UBAC2: variants seen among roughly 807,000 people sequenced by gnomAD.
UBAC2 encodes UBA domain containing 2, also known as ubiquitin-associated domain-containing protein 2.
UBAC2 carries 26 observed loss-of-function variants against 44.0 expected under a neutral mutation model. The ratio of observed to expected loss-of-function variants is 0.59; its 90% CI spans 0.43 to 0.82. The LOEUF (loss-of-function observed/expected upper bound fraction) is 0.82. UBAC2 is among the 40% of genes least tolerant of loss of function. The pLI, the probability that UBAC2 is intolerant of heterozygous loss-of-function variation, is 0.00. For missense variants in UBAC2, 329 were observed against 419.4 expected (o/e 0.78, Z 1.88); for synonymous variants, 155 against 154.3 (o/e 1.00, Z -0.04).
chr13:99,294,247 C>A (rs945602610), intron 4 of UBAC2, among the ~76,000 whole-genome samples: 1 of 151,984 alleles, frequency 6.6e-6, no homozygotes, highest in South Asian at 2.1e-4. Context: ...GAAATGATCC[C>A]CTAGTGATCC....
In UBAC2 at chr13:99,385,887, A is replaced by G. The variant is rs1172503307; in HGVS notation, c.*552A>G. The G allele has an allele frequency of 1.3e-5, 2 of 154,634 alleles. No homozygotes were observed. The highest frequency in any genetic ancestry group is 4.8e-5 in the African/African-American group (2 of 41,460). The allele number at this position is 154,634 out of a possible 1,614,324, so 9.6% of individuals were successfully genotyped here. ...AGAGGACTCTGCAGTACCTTCTCCT[A>G]CATCTAGTAACAAAGAATGGTGATA... On this transcript the variant is annotated 3_prime_UTR_variant, in exon 9 of 9. Coordinates refer to ENST00000403766, the MANE Select transcript of UBAC2 (RefSeq NM_001144072.2).
chr13:99,250,854 C>A (rs1319111210), intron 4 of UBAC2, among the ~76,000 whole-genome samples: 1 of 152,128 alleles, frequency 6.6e-6, no homozygotes, highest in African/African-American at 2.4e-5. Flanking sequence ...TCAAGCAATT[C>A]TCCTGCCTCA....
chr13:99,232,688 G>A (rs2043189568), intron 1 of UBAC2, among the ~76,000 whole-genome samples: 1 of 152,090 alleles, frequency 6.6e-6, no homozygotes, highest in African/African-American at 2.4e-5. Context: ...TTGGGAGGCC[G>A]AGGCGGGCAG....
chr13:99,372,407 A>C (rs1447211533), intron 8 of UBAC2: 2 of 154,840 alleles, frequency 1.3e-5, no homozygotes. Flanking sequence ...ATGATGGACC[A>C]GCTAAGGGAG....
At chr13:99,267,997 A>G (rs2043765312) in intron 4 of UBAC2, among the ~76,000 whole-genome samples, 1 of 152,166 alleles carries the variant, frequency 6.6e-6, no homozygotes, top group Admixed American at 6.5e-5. Context: ...TGTGCCTTCC[A>G]AGGAGGCTCC....
chr13:99,217,210 A>G (rs528302173), intron 1 of UBAC2, among the ~76,000 whole-genome samples: 1 of 152,308 alleles, frequency 6.6e-6, no homozygotes, highest in Admixed American at 6.5e-5. Flanking sequence ...GCCGTTGCTC[A>G]GCGTCAGTGG....
intron 4 of UBAC2, among the ~76,000 whole-genome samples, chr13:99,281,320 C>T (rs1428164866): frequency 6.6e-6 from 1 of 151,652 alleles, no homozygotes; most frequent in Non-Finnish European, 1.5e-5. Context: ...AAATCATTTC[C>T]AGCATCTTAC....
intron 6 of UBAC2, among the ~76,000 whole-genome samples, chr13:99,322,379 T>C (rs1422999066): frequency 2.0e-5 from 3 of 152,368 alleles, no homozygotes; most frequent in Non-Finnish European, 4.4e-5. Flanking sequence ...ATCATAGTAC[T>C]GAGTCATTAC....
At chr13:99,309,599 T>C (rs2044385412) in intron 4 of UBAC2, among the ~76,000 whole-genome samples, 1 of 152,126 alleles carries the variant, frequency 6.6e-6, no homozygotes, top group Non-Finnish European at 1.5e-5. Context: ...GCCTTTACAG[T>C]TTTTTTGTTT....
intron 4 of UBAC2, among the ~76,000 whole-genome samples, chr13:99,249,240 G>A (rs2043427475): frequency 6.6e-6 from 1 of 150,496 alleles, no homozygotes; most frequent in African/African-American, 2.5e-5. Flanking sequence ...CCATCTTTAT[G>A]TCCATGTGTA....
At chr13:99,201,015 C>A in intron 1 of UBAC2, 76 bp downstream of exon 1, 3 of 1,293,852 alleles carry the variant, frequency 2.3e-6, no homozygotes, top group Non-Finnish European at 3.0e-6. Flanking sequence ...GCTGGGGCAG[C>A]GGGGACCCTC....
At chr13:99,228,130 C>T (rs1456209719) in intron 1 of UBAC2, among the ~76,000 whole-genome samples, 1 of 152,074 alleles carries the variant, frequency 6.6e-6, no homozygotes, top group African/African-American at 2.4e-5. Flanking sequence ...AGGTGGAAAC[C>T]CAAGTTGAAG....
chr13:99,373,487 G>A (rs934349563), intron 8 of UBAC2, among the ~76,000 whole-genome samples: 1 of 152,182 alleles, frequency 6.6e-6, no homozygotes, highest in Non-Finnish European at 1.5e-5. Flanking sequence ...GCTCTGCACC[G>A]GGGCTAAGCG....
intron 4 of UBAC2, among the ~76,000 whole-genome samples, chr13:99,259,977 G>T (rs1237630143): frequency 1.3e-5 from 2 of 152,176 alleles, no homozygotes; most frequent in Non-Finnish European, 2.9e-5. Flanking sequence ...TCAGGTTGGG[G>T]TGAGCTCTCA....
intron 6 of UBAC2, among the ~76,000 whole-genome samples, chr13:99,332,999 CACCTGT>C (rs1320804172): frequency 6.6e-6 from 1 of 152,186 alleles, no homozygotes; most frequent in African/African-American, 2.4e-5. Flanking sequence ...TGGTGGCTCA[CACCTGT>C]AACCCCAGCA....
Position 99,241,726 on chromosome 13 carries a change from CT to C in UBAC2, c.160-2093del, listed in dbSNP as rs34012077. On this transcript the variant is annotated intron_variant, in intron 2 of 8. Transcript: ENST00000403766. ...GTATACTCAATAGTTAAAATTTTAA[CT>C]TTTTTTTTTTTTCAACTTTTTTTTT... 5.0e-3 allele frequency among the ~76,000 whole-genome samples: 696 copies of C among 140,566 alleles called. 6 individuals are homozygous for C. The highest frequency in any genetic ancestry group is 0.016 in the South Asian group (70 of 4,460). 92.2% of individuals were successfully genotyped at this position (140,566 alleles called of 152,430 possible). A position where few individuals can be genotyped will look rare whatever the true frequency, so the allele number is the denominator to read the frequency against.
chr13:99,331,598 T>C (rs1457269213), intron 6 of UBAC2, among the ~76,000 whole-genome samples: 1 of 152,278 alleles, frequency 6.6e-6, no homozygotes, highest in Non-Finnish European at 1.5e-5. Flanking sequence ...TCAATCTGAA[T>C]CACTTTTGCA....
intron 7 of UBAC2, among the ~76,000 whole-genome samples, chr13:99,340,985 A>C (rs921836933): frequency 2.0e-5 from 3 of 151,960 alleles, no homozygotes; most frequent in African/African-American, 7.2e-5. Context: ...GAGAATATGA[A>C]GGCAAGAAGA....
chr13:99,292,758 C>A (rs1171287942), intron 4 of UBAC2, among the ~76,000 whole-genome samples: 3 of 150,604 alleles, frequency 2.0e-5, no homozygotes, highest in African/African-American at 7.3e-5. Context: ...AATAACGATC[C>A]ATTTTCCCAG....
Sources: allele counts gnomAD v4.1 joint callset (sites outside exome capture counted in the v4.1 genomes callset), GRCh38; gene constraint gnomAD v4.1.1; transcripts MANE v1.5; gene names NCBI Gene and HGNC (gene_info 2026-07-23, HGNC 2026-07-21).